SLC24A2: variants seen among roughly 807,000 people sequenced by gnomAD.
SLC24A2 encodes solute carrier family 24 member 2, also known as sodium/potassium/calcium exchanger 2.
A neutral mutation model predicts 62.0 loss-of-function variants in SLC24A2; 36 were observed. That is an observed-to-expected ratio of 0.58 (90% CI 0.44 to 0.77). The LOEUF (loss-of-function observed/expected upper bound fraction) is 0.77, where lower values mean the gene tolerates loss of function less well. Among genes scored for constraint, SLC24A2 ranks in the 30% least tolerant of loss-of-function variants. The pLI is 0.00. For missense variants in SLC24A2, 846 were observed against 817.9 expected (o/e 1.03, Z -0.42); for synonymous variants, 358 against 294.0 (o/e 1.22, Z -2.23).
chr9:19,517,187 C>A (rs1832974811), intron 10 of SLC24A2, among the ~76,000 whole-genome samples: 1 of 152,118 alleles, frequency 6.6e-6, no homozygotes, highest in Non-Finnish European at 1.5e-5. Context: ...CAAGCATTGA[C>A]TAGAACTCTG....
the SLC24A2 span, among the ~76,000 whole-genome samples, chr9:20,232,594 T>C: frequency 6.6e-6 from 1 of 152,208 alleles, no homozygotes; most frequent in South Asian, 2.1e-4. Context: ...CCCTTTATCA[T>C]TTTTTATTGC....
At chr9:19,939,645 T>C in the SLC24A2 span, among the ~76,000 whole-genome samples, 1 of 152,178 alleles carries the variant, frequency 6.6e-6, no homozygotes, top group African/African-American at 2.4e-5. Context: ...TAGGCTACAC[T>C]AAATTTGTAA....
the SLC24A2 span, among the ~76,000 whole-genome samples, chr9:20,120,914 T>C: frequency 6.7e-6 from 1 of 148,270 alleles, no homozygotes; most frequent in African/African-American, 2.5e-5. Flanking sequence ...GGCATCTTTA[T>C]TGCAAATCAA....
At chr9:20,027,579 C>T in the SLC24A2 span, among the ~76,000 whole-genome samples, 3 of 152,074 alleles carry the variant, frequency 2.0e-5, no homozygotes, top group African/African-American at 7.2e-5. Context: ...TGATCTTCCT[C>T]ATGTGAAATC....
At chr9:19,612,565 G>A (rs1837208897) in intron 4 of SLC24A2, among the ~76,000 whole-genome samples, 1 of 152,188 alleles carries the variant, frequency 6.6e-6, no homozygotes, top group Non-Finnish European at 1.5e-5. Flanking sequence ...GAGGCACAGA[G>A]AGGATAAACA....
At chr9:19,815,858 C>G in the SLC24A2 span, among the ~76,000 whole-genome samples, 1 of 149,602 alleles carries the variant, frequency 6.7e-6, no homozygotes, top group African/African-American at 2.4e-5. Flanking sequence ...GAAATATGTA[C>G]AATAATTGTA....
chr9:20,085,167 T>A, the SLC24A2 span, among the ~76,000 whole-genome samples: 46 of 152,180 alleles, frequency 3.0e-4, no homozygotes, highest in Middle Eastern at 0.017. Context: ...AGCTAATTTT[T>A]AAAAATATTT....
the SLC24A2 span, among the ~76,000 whole-genome samples, chr9:20,285,700 G>A: frequency 6.6e-6 from 1 of 152,188 alleles, no homozygotes; most frequent in Non-Finnish European, 1.5e-5. Flanking sequence ...GTCCAGTCAA[G>A]TTGACATACA....
the SLC24A2 span, among the ~76,000 whole-genome samples, chr9:19,853,637 C>G: frequency 6.6e-6 from 1 of 152,138 alleles, no homozygotes; most frequent in Non-Finnish European, 1.5e-5. Context: ...TTGAACCAGC[C>G]TTGCATCCCA....
At chr9:20,093,239 A>T in the SLC24A2 span, among the ~76,000 whole-genome samples, 2 of 151,388 alleles carry the variant, frequency 1.3e-5, no homozygotes, top group African/African-American at 4.9e-5. Context: ...CACCTGGCTA[A>T]TTTTGTATTT....
chr9:20,061,183 T>A, the SLC24A2 span, among the ~76,000 whole-genome samples: 370 of 152,200 alleles, frequency 2.4e-3, 2 homozygotes, highest in Admixed American at 4.9e-3. Context: ...GTATACTTAC[T>A]ATAAAGCTAC....
chr9:19,622,268 G>A lies in SLC24A2; in HGVS notation c.962C>T (p.Thr321Ile). The change falls in exon 3 of 11, where the codon ACT becomes ATT. Residue 321 changes from threonine (T) to isoleucine (I), a missense_variant. Transcript: ENST00000341998. ...AAAGCCACTGCTTCCTACCGGTAGA[G>A]TTGGTTCATCCTTGTCCCTGGCTGC... is the stretch of plus-strand genomic sequence containing the variant. ...PSAARDKDEP[T>I]LPAKPRLQRG... 6.2e-7 allele frequency: 1 copy of A among 1,613,336 alleles called. No homozygotes were observed. The highest frequency in any genetic ancestry group is 8.5e-7 in the Non-Finnish European group (1 of 1,179,416).
the SLC24A2 span, among the ~76,000 whole-genome samples, chr9:20,086,490 C>G: frequency 6.6e-6 from 1 of 152,150 alleles, no homozygotes; most frequent in Non-Finnish European, 1.5e-5. Flanking sequence ...GTTATAGTGG[C>G]CTTTGCTGTG....
the SLC24A2 span, among the ~76,000 whole-genome samples, chr9:20,140,980 G>A: frequency 6.6e-6 from 1 of 151,980 alleles, no homozygotes; most frequent in Non-Finnish European, 1.5e-5. Flanking sequence ...GAAAAACTGA[G>A]GCTACTAACC....
At chr9:19,612,422 G>A (rs77645902) in intron 4 of SLC24A2, among the ~76,000 whole-genome samples, 2,781 of 152,172 alleles carry the variant, frequency 0.018, 36 homozygotes, top group Non-Finnish European at 0.027. Flanking sequence ...TCAAGTAATC[G>A]TTCTGCCTTA....
chr9:19,633,980 G>A (rs1818244537), intron 2 of SLC24A2, among the ~76,000 whole-genome samples: 1 of 152,038 alleles, frequency 6.6e-6, no homozygotes, highest in Admixed American at 6.5e-5. Flanking sequence ...TCCTTTTATG[G>A]ATCAGTTTTA....
intron 4 of SLC24A2, among the ~76,000 whole-genome samples, chr9:19,616,128 T>A (rs1490597801): frequency 6.6e-6 from 1 of 151,686 alleles, no homozygotes. Flanking sequence ...TGGAGAAAAT[T>A]AGAGGGTTGA....
the SLC24A2 span, among the ~76,000 whole-genome samples, chr9:20,104,719 C>G: frequency 1.5e-4 from 23 of 152,316 alleles, no homozygotes; most frequent in African/African-American, 4.3e-4. Flanking sequence ...TGGAAAGGAA[C>G]AACCAGTACC....
chr9:19,543,388 T>C (rs137863130), intron 8 of SLC24A2, among the ~76,000 whole-genome samples: 8 of 96,018 alleles, frequency 8.3e-5, no homozygotes, highest in African/African-American at 2.3e-4. Flanking sequence ...CCTGGATTCA[T>C]TGATTTTTTT....
Sources: gnomAD v4.1 joint callset for allele counts (sites outside exome capture counted in the v4.1 genomes callset) on GRCh38, gnomAD v4.1.1 for gene constraint, MANE v1.5 for transcripts, NCBI Gene and HGNC (gene_info 2026-07-23, HGNC 2026-07-21) for gene names.